R3HCC1L: variants seen among roughly 807,000 people sequenced by gnomAD.
R3HCC1L encodes coiled-coil domain-containing protein R3HCC1L.
R3HCC1L carries 51 observed loss-of-function variants against 59.9 expected under a neutral mutation model. The observed-to-expected ratio is 0.85, with a 90% confidence interval of 0.68 to 1.07. The LOEUF is 1.07. R3HCC1L is among the 50% of genes least tolerant of loss of function. The probability of loss-of-function intolerance (pLI) is 0.00; values close to 1 mark genes in which losing one functional copy is unlikely to be tolerated. For synonymous variants in R3HCC1L, 322 were observed against 315.2 expected (o/e 1.02, Z -0.23); for missense variants, 965 against 933.0 (o/e 1.03, Z -0.45).
At chr10:98,165,013 A>G (rs963415985) in intron 4 of R3HCC1L, among the ~76,000 whole-genome samples, 3 of 152,182 alleles carry the variant, frequency 2.0e-5, no homozygotes, top group Non-Finnish European at 4.4e-5. Context: ...TAATCCCAGC[A>G]CTTTGGGAGG....
At chr10:98,158,675 A>G (rs1847114941) in intron 2 of R3HCC1L, among the ~76,000 whole-genome samples, 1 of 152,254 alleles carries the variant, frequency 6.6e-6, no homozygotes, top group African/African-American at 2.4e-5. Flanking sequence ...TAAGTAACCT[A>G]CAGACATTCA....
chr10:98,201,381 A>G (rs1413077758), intron 4 of R3HCC1L, among the ~76,000 whole-genome samples: 4 of 152,352 alleles, frequency 2.6e-5, no homozygotes, highest in South Asian at 4.1e-4. Context: ...TTAGAACTCA[A>G]TATACTGAAT....
chr10:98,229,002 T>A (rs916892012), intron 5 of R3HCC1L, among the ~76,000 whole-genome samples: 4 of 152,034 alleles, frequency 2.6e-5, no homozygotes, highest in Non-Finnish European at 5.9e-5. Context: ...TAGTATAGTT[T>A]GAAGTCAGGT....
intron 1 of R3HCC1L, among the ~76,000 whole-genome samples, chr10:98,153,006 C>G (rs1255193697): frequency 6.7e-6 from 1 of 148,644 alleles, no homozygotes; most frequent in Non-Finnish European, 1.5e-5. Flanking sequence ...GGCCCGCCTC[C>G]GCCCGGCCGC....
chr10:98,192,464 C>T (rs2134882249), intron 4 of R3HCC1L, among the ~76,000 whole-genome samples: 1 of 152,158 alleles, frequency 6.6e-6, no homozygotes, highest in African/African-American at 2.4e-5. Flanking sequence ...AAAAAGGAGA[C>T]ATTGCAACTG....
intron 4 of R3HCC1L, among the ~76,000 whole-genome samples, chr10:98,183,695 T>C (rs1212390259): frequency 2.0e-5 from 3 of 152,166 alleles, no homozygotes; most frequent in Middle Eastern, 3.2e-3. Flanking sequence ...ATGTCTTTAC[T>C]GATTCTGAGA....
At chr10:98,191,975 C>G (rs549329597) in intron 4 of R3HCC1L, among the ~76,000 whole-genome samples, 2 of 152,188 alleles carry the variant, frequency 1.3e-5, no homozygotes, top group South Asian at 4.2e-4. Flanking sequence ...CAGGCACCCG[C>G]CACCACGCCT....
intron 5 of R3HCC1L, among the ~76,000 whole-genome samples, chr10:98,225,673 G>GT (rs1456068336): frequency 1.3e-5 from 2 of 152,096 alleles, no homozygotes; most frequent in Non-Finnish European, 1.5e-5. Flanking sequence ...CAAGAATTAT[G>GT]TTTTTTGCTA....
intron 1 of R3HCC1L, among the ~76,000 whole-genome samples, chr10:98,140,309 A>G (rs919521189): frequency 7.2e-5 from 11 of 152,222 alleles, no homozygotes; most frequent in Non-Finnish European, 2.9e-5. Flanking sequence ...TTGTTTATAA[A>G]TATTAAAAGG....
chr10:98,220,749 G>A (rs1449899185), intron 5 of R3HCC1L, among the ~76,000 whole-genome samples: 1 of 151,936 alleles, frequency 6.6e-6, no homozygotes, highest in African/African-American at 2.4e-5. Flanking sequence ...TGGTGTATAT[G>A]TGCCACAATT....
chr10:98,198,298 C>G (rs979265355), intron 4 of R3HCC1L, among the ~76,000 whole-genome samples: 2 of 151,956 alleles, frequency 1.3e-5, no homozygotes, highest in African/African-American at 4.8e-5. Context: ...TTTAATACTA[C>G]ACTAAATTAC....
intron 5 of R3HCC1L, among the ~76,000 whole-genome samples, chr10:98,226,867 G>A (rs951828133): frequency 6.6e-6 from 1 of 152,234 alleles, no homozygotes; most frequent in African/African-American, 2.4e-5. Context: ...CCAGTGGTCT[G>A]CCAAAGGCAA....
In R3HCC1L at chr10:98,162,732, C is replaced by T. The variant is rs547375050; in HGVS notation, c.-212-151C>T. ...TGTGTGTTTGAGATAGGATCTCATT[C>T]TGTCACCCAGGTTGGAGTGCAGTGG... On this transcript the variant is annotated intron_variant, in intron 2 of 9. Transcript: ENST00000298999. 1.5e-4 allele frequency among the ~76,000 whole-genome samples: 23 copies of T among 152,050 alleles called. No homozygotes were observed. In the East Asian group the frequency reaches 4.5e-3, roughly 29 times the overall value.
chr10:98,215,488 C>T (rs959728269), intron 5 of R3HCC1L, among the ~76,000 whole-genome samples: 2 of 152,160 alleles, frequency 1.3e-5, no homozygotes, highest in African/African-American at 4.8e-5. Flanking sequence ...TTCACGTTCA[C>T]AATCCAACTC....
chr10:98,215,085 C>G (rs1323199207), intron 5 of R3HCC1L, among the ~76,000 whole-genome samples: 1 of 152,176 alleles, frequency 6.6e-6, no homozygotes, highest in Non-Finnish European at 1.5e-5. Context: ...AAGCCTTTGT[C>G]TCTACCTGAC....
intron 6 of R3HCC1L, among the ~76,000 whole-genome samples, chr10:98,231,961 C>T (rs533650230): frequency 8.5e-4 from 129 of 152,248 alleles, no homozygotes; most frequent in Non-Finnish European, 1.4e-3. Context: ...TCCATTAATA[C>T]ATATTGTAAT....
chr10:98,139,038 A>T (rs1273757664), intron 1 of R3HCC1L, among the ~76,000 whole-genome samples: 1 of 152,180 alleles, frequency 6.6e-6, no homozygotes, highest in Admixed American at 6.5e-5. Flanking sequence ...TGCTTCAATG[A>T]TCAGTGTGTT....
intron 4 of R3HCC1L, among the ~76,000 whole-genome samples, chr10:98,169,074 C>T (rs1848241563): frequency 6.6e-6 from 1 of 152,150 alleles, no homozygotes; most frequent in Non-Finnish European, 1.5e-5. Context: ...TATTGTCAGC[C>T]TTTTTAAGTC....
chr10:98,179,516 A>G (rs1056849234), intron 4 of R3HCC1L, among the ~76,000 whole-genome samples: 1 of 152,110 alleles, frequency 6.6e-6, no homozygotes, highest in Non-Finnish European at 1.5e-5. Flanking sequence ...ATATTGGTCT[A>G]AAATTCTCTT....
Sources: gnomAD v4.1 joint callset for allele counts (sites outside exome capture counted in the v4.1 genomes callset) on GRCh38, gnomAD v4.1.1 for gene constraint, MANE v1.5 for transcripts, NCBI Gene and HGNC (gene_info 2026-07-23, HGNC 2026-07-21) for gene names.